SGCD: variants seen among roughly 807,000 people sequenced by gnomAD.
SGCD encodes delta-sarcoglycan.
Under a neutral mutation model 36.6 loss-of-function variants are expected in SGCD, and 18 were observed. The observed-to-expected ratio is 0.49, with a 90% CI of 0.34 to 0.73. SGCD has a LOEUF of 0.73. Among genes scored for constraint, SGCD ranks in the 30% least tolerant of loss-of-function variants. The pLI, the probability that SGCD is intolerant of heterozygous loss-of-function variation, is 0.01. For synonymous variants in SGCD, 133 were observed against 130.6 expected, an observed-to-expected ratio of 1.02 and a Z score of -0.12; for missense variants, 387 against 346.7, an observed-to-expected ratio of 1.12 and a Z score of -0.92.
At chr5:156,611,616 C>T (rs950785038) in intron 6 of SGCD, among the ~76,000 whole-genome samples, 7 of 152,114 alleles carry the variant, frequency 4.6e-5, no homozygotes, top group Admixed American at 4.6e-4. Context: ...CTTTTTGCTT[C>T]CTGGATCTTT....
At chr5:156,176,017 C>T (rs1763459824) in intron 3 of SGCD, among the ~76,000 whole-genome samples, 1 of 151,632 alleles carries the variant, frequency 6.6e-6, no homozygotes, top group Non-Finnish European at 1.5e-5. Context: ...AGAATTATTG[C>T]TCCATGCCAG....
At chr5:156,580,401 T>A (rs1263664003) in intron 4 of SGCD, among the ~76,000 whole-genome samples, 1 of 152,198 alleles carries the variant, frequency 6.6e-6, no homozygotes, top group Non-Finnish European at 1.5e-5. Context: ...TTGGGGTTGT[T>A]CTTCTTGAGG....
chr5:156,615,782 T>G (rs918220108), intron 6 of SGCD, among the ~76,000 whole-genome samples: 2 of 152,170 alleles, frequency 1.3e-5, no homozygotes, highest in Non-Finnish European at 2.9e-5. Context: ...ACAAGCTACA[T>G]AAGAAGTATA....
At chr5:156,239,220 C>T (rs148676726) in intron 3 of SGCD, among the ~76,000 whole-genome samples, 2,332 of 151,748 alleles carry the variant, frequency 0.015, 26 homozygotes, top group Non-Finnish European at 0.026. Context: ...ACCAACATGG[C>T]GAAACCCCAT....
At chr5:155,783,747 T>A in the SGCD span, among the ~76,000 whole-genome samples, 1 of 152,180 alleles carries the variant, frequency 6.6e-6, no homozygotes, top group Non-Finnish European at 1.5e-5. Context: ...CCTGTCTAGA[T>A]CTCCAATTCC....
chr5:156,561,051 G>GA (rs1482797128), intron 4 of SGCD, among the ~76,000 whole-genome samples: 4 of 151,234 alleles, frequency 2.6e-5, no homozygotes, highest in African/African-American at 7.4e-5. Context: ...ATTCCAAGGG[G>GA]AAAAAAATGC....
chr5:156,114,857 C>A (rs994721701), intron 1 of SGCD, among the ~76,000 whole-genome samples: 1 of 151,782 alleles, frequency 6.6e-6, no homozygotes, highest in African/African-American at 2.4e-5. Context: ...ATATTTTTTG[C>A]GTTGCGTGAC....
chr5:156,608,018 A>C (rs979417248), intron 6 of SGCD, among the ~76,000 whole-genome samples: 1 of 151,972 alleles, frequency 6.6e-6, no homozygotes, highest in Non-Finnish European at 1.5e-5. Context: ...TGAGCTTTTG[A>C]AGGGTTTTTG....
At chr5:156,758,222 C>T (rs1757411310) in intron 8 of SGCD, among the ~76,000 whole-genome samples, 1 of 152,194 alleles carries the variant, frequency 6.6e-6, no homozygotes, top group Non-Finnish European at 1.5e-5. Flanking sequence ...CTTATGCCAA[C>T]ACAGTCCCAG....
chr5:155,997,736 A>G (rs564692898), intron 1 of SGCD, among the ~76,000 whole-genome samples: 113 of 152,368 alleles, frequency 7.4e-4, no homozygotes, highest in Non-Finnish European at 1.3e-3. Context: ...AGTTTTTTTA[A>G]TCTCAGAAGA....
At chr5:155,754,986 G>A in the SGCD span, among the ~76,000 whole-genome samples, 9 of 152,206 alleles carry the variant, frequency 5.9e-5, no homozygotes, top group Admixed American at 2.0e-4. Flanking sequence ...AATGGGTGAC[G>A]CACCCATCAG....
At chr5:156,420,224 A>G (rs909930989) in intron 3 of SGCD, among the ~76,000 whole-genome samples, 5 of 152,262 alleles carry the variant, frequency 3.3e-5, no homozygotes, top group Middle Eastern at 6.8e-3. Flanking sequence ...TAGAACACTG[A>G]TGGAGCTCTC....
At chr5:156,203,614 GATC>G (rs1242530283) in intron 3 of SGCD, among the ~76,000 whole-genome samples, 1 of 152,084 alleles carries the variant, frequency 6.6e-6, no homozygotes, top group African/African-American at 2.4e-5. Flanking sequence ...AATAAAGATG[GATC>G]ATCATCTGTA....
At chr5:155,971,834 C>T (rs1416794682) in intron 1 of SGCD, among the ~76,000 whole-genome samples, 1 of 152,112 alleles carries the variant, frequency 6.6e-6, no homozygotes, top group Non-Finnish European at 1.5e-5. Flanking sequence ...ATTCGTGCCA[C>T]TTTACTTGTG....
chr5:156,400,259 GCTA>G (rs939057947), intron 3 of SGCD, among the ~76,000 whole-genome samples: 33 of 152,172 alleles, frequency 2.2e-4, no homozygotes, highest in African/African-American at 8.0e-4. Context: ...TAATGCTGCT[GCTA>G]TTGGTGAGAG....
Position 155,978,874 on chromosome 5 carries a change from G to T in SGCD, c.-282+108450G>T, listed in dbSNP as rs200956592. Among the ~76,000 whole-genome samples the T allele has an allele frequency of 1.2e-4, 18 of 151,912 alleles. 1 individual carries two copies. The East Asian group carries it at 2.1e-3, about 18-fold the overall frequency. ...TGGAAAATTGTAGAGCTATTAAGCT[G>T]CCCTACAAATACAGTGTATTTATAG... On this transcript the variant is annotated intron_variant, in intron 1 of 9. Transcript: ENST00000517913.
At chr5:156,381,980 T>C (rs1771008494) in intron 3 of SGCD, among the ~76,000 whole-genome samples, 1 of 152,248 alleles carries the variant, frequency 6.6e-6, no homozygotes, top group African/African-American at 2.4e-5. Context: ...CAATGTATGT[T>C]TTTATTATTA....
intron 7 of SGCD, among the ~76,000 whole-genome samples, chr5:156,754,211 G>A (rs377419481): frequency 9.2e-5 from 14 of 152,264 alleles, no homozygotes; most frequent in South Asian, 6.2e-4. Flanking sequence ...AGAATAAAGC[G>A]AATTCTAATG....
chr5:156,053,098 G>C (rs1225851490), intron 1 of SGCD, among the ~76,000 whole-genome samples: 1 of 146,586 alleles, frequency 6.8e-6, no homozygotes, highest in African/African-American at 2.5e-5. Flanking sequence ...TGGGCAAAAG[G>C]CTTGTCCCTA....
Sources: allele counts gnomAD v4.1 joint callset (sites outside exome capture counted in the v4.1 genomes callset), GRCh38; gene constraint gnomAD v4.1.1; transcripts MANE v1.5; gene names NCBI Gene and HGNC (gene_info 2026-07-23, HGNC 2026-07-21).